Variants in DTD1 observed in about 807,000 individuals in gnomAD.
The protein encoded by DTD1 is D-tyrosyl-tRNA deacylase 1 homolog.
In DTD1, 13 loss-of-function variants were observed where a neutral mutation model predicts 25.6. The ratio of observed to expected loss-of-function variants is 0.51; its 90% CI spans 0.33 to 0.81. The LOEUF is 0.81. Ranked by LOEUF, DTD1 falls within the 30% of genes least tolerant of loss-of-function variation. The pLI, the probability that DTD1 is intolerant of heterozygous loss-of-function variation, is 0.02. For missense variants in DTD1, 193 were observed against 266.4 expected (o/e 0.72, Z 1.92); for synonymous variants, 110 against 103.6 (o/e 1.06, Z -0.37).
intron 3 of DTD1, among the ~76,000 whole-genome samples, chr20:18,600,769 T>C (rs1195912288): frequency 6.6e-6 from 1 of 152,232 alleles, no homozygotes; most frequent in Non-Finnish European, 1.5e-5. Flanking sequence ...GTGCTCTGAC[T>C]TCTTTAATCA....
chr20:18,727,153 A>G (rs1362300546), intron 4 of DTD1, among the ~76,000 whole-genome samples: 1 of 152,228 alleles, frequency 6.6e-6, no homozygotes, highest in African/African-American at 2.4e-5. Context: ...GGCAGGGCCC[A>G]TGGGTGGGAG....
At chr20:18,753,615 A>AAAAAAAAAT (rs1167053234) in intron 5 of DTD1, among the ~76,000 whole-genome samples, 1 of 150,704 alleles carries the variant, frequency 6.6e-6, no homozygotes, top group Non-Finnish European at 1.5e-5. Flanking sequence ...CTCAAAAAAA[A>AAAAAAAAAT]AAAAAAAGAC....
chr20:18,708,605 C>T (rs1026802581), intron 4 of DTD1, among the ~76,000 whole-genome samples: 1 of 151,476 alleles, frequency 6.6e-6, no homozygotes, highest in Admixed American at 6.6e-5. Context: ...ATCTGCCCGC[C>T]TCGGCCTCCC....
At chr20:18,669,345 C>A (rs931114300) in intron 4 of DTD1, among the ~76,000 whole-genome samples, 4 of 152,180 alleles carry the variant, frequency 2.6e-5, no homozygotes, top group African/African-American at 4.8e-5. Context: ...AGTCCTGTCC[C>A]TTCCCTCAGG....
intron 4 of DTD1, among the ~76,000 whole-genome samples, chr20:18,675,984 G>T (rs1306529622): frequency 6.6e-6 from 1 of 151,950 alleles, no homozygotes; most frequent in Non-Finnish European, 1.5e-5. Context: ...AATCTTTTCT[G>T]ACCTCAATTT....
chr20:18,698,194 A>C (rs1363082815), intron 4 of DTD1, among the ~76,000 whole-genome samples: 1 of 152,238 alleles, frequency 6.6e-6, no homozygotes, highest in Non-Finnish European at 1.5e-5. Flanking sequence ...ATAATTACAT[A>C]GTTCAGTTCT....
At chr20:18,735,122 C>T (rs2061250877) in intron 4 of DTD1, among the ~76,000 whole-genome samples, 1 of 152,250 alleles carries the variant, frequency 6.6e-6, no homozygotes. Context: ...TTGGTTGTAA[C>T]AGAACTTTTC....
chr20:18,649,720 C>T lies in DTD1; in HGVS notation c.477+21487C>T, dbSNP rs148858211. On this transcript the variant is annotated intron_variant, in intron 4 of 5. Transcript: ENST00000377452. ...CCCTTACTCAGTTGTAGAAGTAACACGCTTACTGTAAATGTGAGTTGAGTG... is the reference window on the plus strand; with the variant it reads ...CCCTTACTCAGTTGTAGAAGTAACATGCTTACTGTAAATGTGAGTTGAGTG... Among the ~76,000 whole-genome samples, 9 of 152,302 alleles carry T rather than the reference C, an allele frequency of 5.9e-5. No homozygotes were observed. In the East Asian group the frequency reaches 7.7e-4, roughly 13 times the overall value.
intron 4 of DTD1, among the ~76,000 whole-genome samples, chr20:18,665,217 G>C (rs901913939): frequency 3.3e-5 from 5 of 152,172 alleles, no homozygotes; most frequent in Non-Finnish European, 7.4e-5. Context: ...GGTGGGTTCA[G>C]TTGGGGCTGG....
chr20:18,655,063 G>T (rs772930748), intron 4 of DTD1, among the ~76,000 whole-genome samples: 10 of 152,046 alleles, frequency 6.6e-5, no homozygotes, highest in Admixed American at 2.6e-4. Context: ...GAGTGTTTTT[G>T]GTTATTAGAA....
At chr20:18,721,317 A>T (rs906933748) in intron 4 of DTD1, among the ~76,000 whole-genome samples, 35 of 152,076 alleles carry the variant, frequency 2.3e-4, no homozygotes, top group Admixed American at 2.0e-4. Context: ...TCATTTGTTC[A>T]TGTGGCCACA....
At chr20:18,740,600 A>G (rs2061274043) in intron 4 of DTD1, among the ~76,000 whole-genome samples, 1 of 152,250 alleles carries the variant, frequency 6.6e-6, no homozygotes, top group Non-Finnish European at 1.5e-5. Flanking sequence ...AATCAGGAAT[A>G]TAGAAAACAA....
intron 3 of DTD1, 101 bp from the exon 4 acceptor site, chr20:18,628,026 A>G: frequency 2.1e-6 from 2 of 942,526 alleles, no homozygotes; most frequent in Non-Finnish European, 3.3e-6. Context: ...AGTATTGAGT[A>G]TGTCTTTATT....
intron 4 of DTD1, among the ~76,000 whole-genome samples, chr20:18,677,672 C>T (rs955367542): frequency 6.6e-5 from 10 of 152,128 alleles, no homozygotes; most frequent in African/African-American, 2.4e-4. Context: ...TTATTAAATT[C>T]CCCCCACACC....
chr20:18,654,969 A>G (rs1301596762), intron 4 of DTD1, among the ~76,000 whole-genome samples: 3 of 152,254 alleles, frequency 2.0e-5, no homozygotes, highest in East Asian at 1.9e-4. Flanking sequence ...GAAAGTAATC[A>G]TGATTCAGAA....
chr20:18,697,817 TG>T (rs1434575318), intron 4 of DTD1, among the ~76,000 whole-genome samples: 1 of 152,238 alleles, frequency 6.6e-6, no homozygotes, highest in Non-Finnish European at 1.5e-5. Context: ...CTCGAGTAGC[TG>T]GGACTACAGG....
intron 4 of DTD1, among the ~76,000 whole-genome samples, chr20:18,648,160 C>G (rs767649300): frequency 1.8e-4 from 28 of 152,178 alleles, no homozygotes; most frequent in Non-Finnish European, 3.5e-4. Context: ...CTGGTGCAGT[C>G]TTCTCTGATA....
chr20:18,634,095 G>T (rs999998157), intron 4 of DTD1, among the ~76,000 whole-genome samples: 1 of 152,240 alleles, frequency 6.6e-6, no homozygotes, highest in East Asian at 1.9e-4. Context: ...ACACGATTCT[G>T]GTAGGAACAT....
At position 18,588,180 on chromosome 20, in the gene DTD1, T is replaced by TG. The variant is rs1237277439; in HGVS notation, c.43+71dup. On this transcript the variant is annotated intron_variant, in intron 1 of 5. Transcript: ENST00000377452. ...GACCCCCGCGACCGGCTGTCTTGCG[T>TG]GGGGGGTCTTCCTGCGCCATCCTTG... 4.0e-5 allele frequency: 48 copies of TG among 1,201,512 alleles called. No homozygotes were observed. In the East Asian group the frequency reaches 5.6e-4, roughly 14 times the overall value. 74.4% of individuals were successfully genotyped at this position (1,201,512 alleles called of 1,614,324 possible).
Sources: gnomAD v4.1 joint callset for allele counts (sites outside exome capture counted in the v4.1 genomes callset) on GRCh38, gnomAD v4.1.1 for gene constraint, MANE v1.5 for transcripts, NCBI Gene and HGNC (gene_info 2026-07-23, HGNC 2026-07-21) for gene names.